The following KALRN variants were observed in gnomAD, a reference collection of about 807,000 sequenced individuals.
KALRN encodes the protein kalirin RhoGEF kinase.
Under a neutral mutation model 353.7 loss-of-function variants are expected in KALRN, and 70 were observed. The observed-to-expected ratio is 0.20, with a 90% confidence interval of 0.16 to 0.24. KALRN has a LOEUF of 0.24. Ranked by LOEUF, KALRN falls within the 10% of genes least tolerant of loss-of-function variation. The probability of loss-of-function intolerance (pLI) is 1.00; values close to 1 mark genes in which losing one functional copy is unlikely to be tolerated. For synonymous variants in KALRN, 1,391 were observed against 1,434.8 expected (o/e 0.97, Z 0.69); for missense variants, 2,791 against 3,756.7 (o/e 0.74, Z 6.72).
intron 1 of KALRN, among the ~76,000 whole-genome samples, chr3:124,193,866 A>G (rs2150335393): frequency 6.6e-6 from 1 of 152,290 alleles, no homozygotes; most frequent in East Asian, 1.9e-4. Flanking sequence ...ACATTTTATC[A>G]TAAGCATTTC....
intron 9 of KALRN, among the ~76,000 whole-genome samples, chr3:124,343,058 C>A (rs2081934974): frequency 6.6e-6 from 1 of 152,212 alleles, no homozygotes; most frequent in Non-Finnish European, 1.5e-5. Context: ...CTGCCATTGG[C>A]CTCGCCTGGG....
intron 6 of KALRN, among the ~76,000 whole-genome samples, chr3:124,315,110 T>G (rs2078682476): frequency 6.6e-6 from 1 of 152,212 alleles, no homozygotes; most frequent in African/African-American, 2.4e-5. Flanking sequence ...ACATGAGGTT[T>G]GGAGAGTCAA....
At chr3:124,448,157 G>C (rs778120851) in intron 21 of KALRN, among the ~76,000 whole-genome samples, 3 of 152,200 alleles carry the variant, frequency 2.0e-5, no homozygotes, top group Non-Finnish European at 4.4e-5. Context: ...AAGTGGAAAT[G>C]TGAAGAATTG....
chr3:124,227,875 T>C (rs1031191735), intron 1 of KALRN, 115 bp from the exon 2 acceptor site: 1 of 834,918 alleles, frequency 1.2e-6, no homozygotes, highest in Non-Finnish European at 2.1e-6. Context: ...CTGTAGGACC[T>C]GGACAAGGCA....
intron 1 of KALRN, among the ~76,000 whole-genome samples, chr3:124,035,650 A>C (rs1226914918): frequency 6.6e-6 from 1 of 152,232 alleles, no homozygotes; most frequent in Non-Finnish European, 1.5e-5. Flanking sequence ...TCTGATAATA[A>C]ATTCACACAG....
chr3:124,678,304 C>G lies in KALRN; in HGVS notation c.7308C>G (p.Val2436=). The G allele has an allele frequency of 6.2e-7, 1 of 1,613,806 alleles. No homozygotes were observed. The highest frequency in any genetic ancestry group is 8.5e-7 in the Non-Finnish European group (1 of 1,179,838). ...CCAAGGATATTCTGGGCAACAAAGTCTCTGTTAAAGTGAGTAAGGTATTCC... is the reference window on the plus strand; with the variant it reads ...CCAAGGATATTCTGGGCAACAAAGTGTCTGTTAAAGTGAGTAAGGTATTCC... ...RKPKDILGNK[V]SVKETNSSEE... Residue 2436 remains valine (V), a synonymous_variant, in exon 50 of 60, where the codon GTC becomes GTG. Transcript: ENST00000682506.
At chr3:124,478,705 G>T (rs1459375894) in intron 27 of KALRN, among the ~76,000 whole-genome samples, 1 of 152,168 alleles carries the variant, frequency 6.6e-6, no homozygotes, top group African/African-American at 2.4e-5. Flanking sequence ...TTTCCCTTAG[G>T]ATGCTTCTGT....
At position 124,511,291 on chromosome 3, in the gene KALRN, A is replaced by G. The variant is rs1198779113; in HGVS notation, c.4935+14878A>G. ...CTTTCACCCTGGGATCCAGCACCGT[A>G]TTTCCAACTGTCTATGACATAACTG... On this transcript the variant is annotated intron_variant, in intron 33 of 59. Coordinates refer to ENST00000682506, the MANE Select transcript of KALRN (RefSeq NM_001388419.1). Among the ~76,000 whole-genome samples the G allele has an allele frequency of 2.0e-5, 3 of 152,182 alleles. No individual in the cohort carries two copies. The East Asian group carries it at 5.8e-4, about 29-fold the overall frequency.
At chr3:124,551,147 C>T (rs1309423461) in intron 33 of KALRN, among the ~76,000 whole-genome samples, 1 of 152,128 alleles carries the variant, frequency 6.6e-6, no homozygotes, top group Non-Finnish European at 1.5e-5. Flanking sequence ...GGCATGATGT[C>T]ATGAACCAGA....
chr3:124,503,060 G>A (rs77563079), intron 33 of KALRN, among the ~76,000 whole-genome samples: 79 of 152,152 alleles, frequency 5.2e-4, no homozygotes, highest in African/African-American at 1.9e-3. Flanking sequence ...AATGGGATAG[G>A]TCTCTGGGAA....
At chr3:124,354,195 A>AAAC (rs1238088319) in intron 10 of KALRN, among the ~76,000 whole-genome samples, 3 of 152,202 alleles carry the variant, frequency 2.0e-5, no homozygotes, top group African/African-American at 7.2e-5. Flanking sequence ...ATTCAGAAGA[A>AAAC]ATTGGGGTTT....
chr3:124,484,428 A>G (rs2062323914), intron 28 of KALRN, among the ~76,000 whole-genome samples: 1 of 152,196 alleles, frequency 6.6e-6, no homozygotes, highest in African/African-American at 2.4e-5. Flanking sequence ...CCAGCCAACC[A>G]ACCCTGCAGA....
At chr3:124,219,247 G>A (rs1022583327) in intron 1 of KALRN, among the ~76,000 whole-genome samples, 4 of 152,228 alleles carry the variant, frequency 2.6e-5, no homozygotes, top group African/African-American at 9.7e-5. Flanking sequence ...GGAGCCAGAT[G>A]CAGTGGTGGA....
chr3:124,108,438 A>G (rs1219331456), intron 1 of KALRN, among the ~76,000 whole-genome samples: 2 of 152,208 alleles, frequency 1.3e-5, no homozygotes, highest in Non-Finnish European at 2.9e-5. Flanking sequence ...GATAATATCT[A>G]CCTGTGGTAG....
At chr3:124,639,157 C>T (rs150627820) in intron 37 of KALRN, among the ~76,000 whole-genome samples, 1 of 152,276 alleles carries the variant, frequency 6.6e-6, no homozygotes, top group Non-Finnish European at 1.5e-5. Context: ...AGTTTTTGTT[C>T]ATATGGCCCC....
chr3:124,538,713 A>G (rs971970029), intron 33 of KALRN, among the ~76,000 whole-genome samples: 1 of 152,210 alleles, frequency 6.6e-6, no homozygotes, highest in African/African-American at 2.4e-5. Flanking sequence ...GTGGGGCCCC[A>G]AAAGGCCACA....
chr3:124,434,551 TG>T, intron 17 of KALRN, 26 bp downstream of exon 17: 7 of 1,609,488 alleles, frequency 4.3e-6, no homozygotes, highest in Non-Finnish European at 6.0e-6. Flanking sequence ...GTGGGGCTTG[TG>T]GGGCTGAGAT....
At chr3:124,127,728 TATTTTATGTA>T (rs940325453) in intron 1 of KALRN, among the ~76,000 whole-genome samples, 18 of 152,318 alleles carry the variant, frequency 1.2e-4, no homozygotes, top group African/African-American at 3.8e-4. Flanking sequence ...GTTAGTAAAT[TATTTTATGTA>T]ATTGAAATCT....
At chr3:124,541,749 G>T (rs947286882) in intron 33 of KALRN, among the ~76,000 whole-genome samples, 1 of 150,076 alleles carries the variant, frequency 6.7e-6, no homozygotes, top group Non-Finnish European at 1.5e-5. Context: ...AAAATTAGCC[G>T]GGCATGGTGG....
Sources: allele counts gnomAD v4.1 joint callset (sites outside exome capture counted in the v4.1 genomes callset), GRCh38; gene constraint gnomAD v4.1.1; transcripts MANE v1.5; gene names NCBI Gene and HGNC (gene_info 2026-07-23, HGNC 2026-07-21).